MYZAP: variants seen among roughly 807,000 people sequenced by gnomAD.
The protein encoded by MYZAP is GRINL1A complex locus upstream.
Under a neutral mutation model 69.4 loss-of-function variants are expected in MYZAP, and 66 were observed. The ratio of observed to expected loss-of-function variants is 0.95; its 90% CI spans 0.78 to 1.17. The LOEUF is 1.17. Among genes scored for constraint, MYZAP ranks in the 50% most tolerant of loss-of-function variants. The probability of loss-of-function intolerance (pLI) is 0.00; values close to 1 mark genes in which losing one functional copy is unlikely to be tolerated. For synonymous variants in MYZAP, 256 were observed against 205.9 expected (o/e 1.24, Z -2.09); for missense variants, 611 against 556.2 (o/e 1.10, Z -0.99).
intron 1 of MYZAP, 22 bp from the exon 2 acceptor site, chr15:57,604,247 C>T (rs1160229692): frequency 1.2e-6 from 2 of 1,613,154 alleles, no homozygotes; most frequent in Admixed American, 3.3e-5. Flanking sequence ...CCTAACTGGC[C>T]TCTCCTTTCC....
In MYZAP at chr15:57,631,765, T is replaced by C. The variant is rs1267096328; in HGVS notation, c.679-669T>C. Among the ~76,000 whole-genome samples, 3 of 152,206 alleles carry C rather than the reference T, an allele frequency of 2.0e-5. No individual in the cohort carries two copies. The East Asian group carries it at 5.8e-4, about 29-fold the overall frequency. On this transcript the variant is annotated intron_variant, in intron 6 of 12. Transcript: ENST00000267853. ...TTGAGTTTGAAGAATGCTTCCCTTT[T>C]CCAGAGTTTAGGTATGCAGCAAACT...
chr15:57,605,512 T>C (rs1336037345), intron 2 of MYZAP, among the ~76,000 whole-genome samples: 1 of 152,210 alleles, frequency 6.6e-6, no homozygotes, highest in Non-Finnish European at 1.5e-5. Flanking sequence ...GGCTAAGTGT[T>C]TGATAATGTC....
At chr15:57,631,316 G>A (rs2036492255) in intron 6 of MYZAP, among the ~76,000 whole-genome samples, 1 of 152,266 alleles carries the variant, frequency 6.6e-6, no homozygotes, top group African/African-American at 2.4e-5. Context: ...GACATCATTA[G>A]GCTGCTTGGC....
chr15:57,600,595 A>T (rs1371389887), intron 1 of MYZAP, among the ~76,000 whole-genome samples: 1 of 152,010 alleles, frequency 6.6e-6, no homozygotes, highest in Admixed American at 6.6e-5. Context: ...GACCCATGGG[A>T]CCCCCTTTCT....
intron 10 of MYZAP, among the ~76,000 whole-genome samples, chr15:57,649,766 GT>G (rs2037635362): frequency 6.6e-6 from 1 of 152,238 alleles, no homozygotes; most frequent in African/African-American, 2.4e-5. Flanking sequence ...TTCTGTAATA[GT>G]TTTGCAGTTT....
intron 4 of MYZAP, among the ~76,000 whole-genome samples, chr15:57,623,954 G>A (rs1384554692): frequency 6.6e-6 from 1 of 152,180 alleles, no homozygotes; most frequent in Non-Finnish European, 1.5e-5. Context: ...TATCAGGATT[G>A]TTCTGTGTGT....
chr15:57,681,538 C>G (rs1388933248), intron 12 of MYZAP, among the ~76,000 whole-genome samples: 1 of 152,192 alleles, frequency 6.6e-6, no homozygotes, highest in Admixed American at 6.5e-5. Context: ...AATCCCAGCA[C>G]TTTGGGAGGC....
intron 2 of MYZAP, among the ~76,000 whole-genome samples, chr15:57,604,813 T>A (rs2034643936): frequency 6.6e-6 from 1 of 152,206 alleles, no homozygotes; most frequent in African/African-American, 2.4e-5. Flanking sequence ...GAAAGGGCAC[T>A]TTCTTGGCTG....
chr15:57,599,525 G>A (rs1171465398), intron 1 of MYZAP: 3 of 1,244,546 alleles, frequency 2.4e-6, no homozygotes, highest in Admixed American at 4.9e-5. Context: ...TGGTGTTCAG[G>A]GTAGGATGCA....
At chr15:57,604,645 G>A (rs2034630501) in intron 2 of MYZAP, among the ~76,000 whole-genome samples, 1 of 152,214 alleles carries the variant, frequency 6.6e-6, no homozygotes, top group Admixed American at 6.5e-5. Flanking sequence ...GCTGTGGCGG[G>A]GAACGTGGGT....
In MYZAP at chr15:57,684,502, C is replaced by T; in HGVS notation, c.*4C>T. 2 of 1,576,802 alleles carry T rather than the reference C, an allele frequency of 1.3e-6. No individual in the cohort carries two copies. Among genetic ancestry groups the T allele is most frequent in the Non-Finnish European group, 1.7e-6 (2 of 1,149,016 alleles). Reference sequence around the variant, plus strand: ...CATGAAGAAAACTCTGACTTAGGCACTCAGAGGCATACACTTTTTACAGAT... The same window carrying T: ...CATGAAGAAAACTCTGACTTAGGCATTCAGAGGCATACACTTTTTACAGAT... On this transcript the variant is annotated 3_prime_UTR_variant, in exon 13 of 13. Coordinates refer to ENST00000267853, the MANE Select transcript of MYZAP (RefSeq NM_001018100.5).
chr15:57,642,575 A>G (rs2037222666), intron 10 of MYZAP, among the ~76,000 whole-genome samples: 4 of 152,076 alleles, frequency 2.6e-5, no homozygotes, highest in Admixed American at 6.6e-5. Flanking sequence ...CACTTTCACC[A>G]TGGATGGAAG....
intron 9 of MYZAP, 33 bp from the exon 10 acceptor site, chr15:57,639,407 G>C (rs1477648729): frequency 6.2e-7 from 1 of 1,610,630 alleles, no homozygotes; most frequent in Admixed American, 1.7e-5. Context: ...TTTGGTTTAG[G>C]ACTCATTTGC....
At chr15:57,625,939 G>C in intron 5 of MYZAP, 47 bp downstream of exon 5, 1 of 1,542,670 alleles carries the variant, frequency 6.5e-7, no homozygotes, top group Non-Finnish European at 9.0e-7. Flanking sequence ...GCTTAATCAA[G>C]AGTGGGGACT....
At chr15:57,648,101 T>A (rs569604783) in intron 10 of MYZAP, 1 of 902,236 alleles carries the variant, frequency 1.1e-6, no homozygotes, top group Admixed American at 1.6e-4. Flanking sequence ...TTCTAGTGTT[T>A]AGCATGGTAT....
intron 4 of MYZAP, among the ~76,000 whole-genome samples, chr15:57,625,133 C>T (rs1330461911): frequency 4.0e-5 from 6 of 149,846 alleles, no homozygotes; most frequent in Non-Finnish European, 1.5e-5. Flanking sequence ...TCTCAGCTCA[C>T]TGCAACCTTG....
chr15:57,598,521 A>G (rs2034209762), intron 1 of MYZAP, among the ~76,000 whole-genome samples: 1 of 152,232 alleles, frequency 6.6e-6, no homozygotes, highest in South Asian at 2.1e-4. Flanking sequence ...TACAAAGCTT[A>G]CTTGATCACT....
intron 4 of MYZAP, among the ~76,000 whole-genome samples, chr15:57,624,733 G>A (rs1168931158): frequency 1.3e-5 from 2 of 152,182 alleles, no homozygotes; most frequent in Non-Finnish European, 2.9e-5. Flanking sequence ...CCTTCTCCAA[G>A]TCATCCTACC....
intron 2 of MYZAP, among the ~76,000 whole-genome samples, chr15:57,615,193 A>T (rs192886416): frequency 4.4e-4 from 67 of 152,364 alleles, no homozygotes; most frequent in South Asian, 6.2e-4. Flanking sequence ...TCTACAAAAG[A>T]ACATAAAGGA....
Sources: allele counts gnomAD v4.1 joint callset (sites outside exome capture counted in the v4.1 genomes callset), GRCh38; gene constraint gnomAD v4.1.1; transcripts MANE v1.5; gene names NCBI Gene and HGNC (gene_info 2026-07-23, HGNC 2026-07-21).